The following PECAM1 variants were observed in gnomAD, a reference collection of about 807,000 sequenced individuals.
PECAM1 encodes the protein platelet endothelial cell adhesion molecule.
A neutral mutation model predicts 13.8 loss-of-function variants in PECAM1; 8 were observed. That is an observed-to-expected ratio of 0.58 (90% confidence interval 0.34 to 1.05). PECAM1 has a LOEUF of 1.05. Ranked by LOEUF, PECAM1 falls within the 50% of genes least tolerant of loss-of-function variation. PECAM1 has a pLI of 0.03. For synonymous variants in PECAM1, 136 were observed against 52.6 expected (o/e 2.58, Z -6.86); for missense variants, 304 against 141.2 (o/e 2.15, Z -5.84).
At chr17:64,344,443 G>A (rs1314472502) in intron 13 of PECAM1, among the ~76,000 whole-genome samples, 1 of 152,056 alleles carries the variant, frequency 6.6e-6, no homozygotes, top group East Asian at 1.9e-4. Context: ...TGGCTTCAAC[G>A]TCATGGGGTT....
At position 64,320,931 on chromosome 17, in the gene PECAM1, C is replaced by A. The variant is rs1030592878; in HGVS notation, c.*2885G>T. The A allele has an allele frequency of 3.3e-5, 5 of 152,174 alleles. No individual in the cohort carries two copies. Among genetic ancestry groups the A allele is most frequent in the Non-Finnish European group, 7.3e-5 (5 of 68,052 alleles). The allele number at this position is 152,174 out of a possible 1,614,324, so 9.4% of individuals were successfully genotyped here. On this transcript the variant is annotated 3_prime_UTR_variant, in exon 16 of 16. Coordinates refer to ENST00000563924, the MANE Select transcript of PECAM1 (RefSeq NM_000442.5). ...CTACCCACCAGATGCCGGGAGCACA[C>A]CCACCCAGCTGTGACAACCAAAAAT...
chr17:64,371,624 G>A (rs1182002212), intron 4 of PECAM1, among the ~76,000 whole-genome samples: 2 of 152,200 alleles, frequency 1.3e-5, no homozygotes, highest in Admixed American at 6.5e-5. Context: ...GAGGTCAGGA[G>A]TTTAAGACCA....
rs988820309 is a variant in PECAM1 at position 64,320,234 on chromosome 17, C to T, written c.*3582G>A. The T allele has an allele frequency of 4.6e-5, 7 of 152,152 alleles. No homozygotes were observed. Among genetic ancestry groups the T allele is most frequent in the African/African-American group, 1.7e-4 (7 of 41,426 alleles). 9.4% of individuals were successfully genotyped at this position (152,152 alleles called of 1,614,324 possible). On this transcript the variant is annotated 3_prime_UTR_variant, in exon 16 of 16. Transcript: ENST00000563924. ...TGCTGGGGAGAGTTCTTGGTGTGTACCTTTCAGAGACCTCCTCCTTAAGAC... is the reference window on the plus strand; with the variant it reads ...TGCTGGGGAGAGTTCTTGGTGTGTATCTTTCAGAGACCTCCTCCTTAAGAC...
At chr17:64,373,490 G>T (rs1020063982) in intron 4 of PECAM1, among the ~76,000 whole-genome samples, 3 of 151,466 alleles carry the variant, frequency 2.0e-5, no homozygotes, top group Non-Finnish European at 2.9e-5. Flanking sequence ...TAGTGTGATA[G>T]GTCCCCATCT....
chr17:64,355,096 G>C (rs1458711731), intron 8 of PECAM1, 56 bp from the exon 9 acceptor site: 1 of 458,058 alleles, frequency 2.2e-6, no homozygotes, highest in Non-Finnish European at 4.0e-6. Context: ...TCCTCTGCCA[G>C]GAAGAAATAA....
intron 14 of PECAM1, among the ~76,000 whole-genome samples, chr17:64,334,791 G>A (rs1161692348): frequency 3.4e-4 from 51 of 151,960 alleles, no homozygotes; most frequent in Non-Finnish European, 5.6e-4. Flanking sequence ...ACAGGCGTGA[G>A]CCACTGCGCA....
At chr17:64,385,827 C>G (rs924890735) in intron 2 of PECAM1, among the ~76,000 whole-genome samples, 2 of 152,118 alleles carry the variant, frequency 1.3e-5, no homozygotes, top group Non-Finnish European at 2.9e-5. Flanking sequence ...TCCCAGGACA[C>G]GAGGGTGTGA....
rs888098202 is a variant in PECAM1 at position 64,381,822 on chromosome 17, C to T, written c.92-3705G>A. ...GACACACAACTTTCTTTGGACCAGC[C>T]GGGCACGGTGGTTTATGCCTGTAAT... is the stretch of plus-strand genomic sequence containing the variant. On this transcript the variant is annotated intron_variant, in intron 2 of 15. Transcript: ENST00000563924. 2.6e-3 allele frequency among the ~76,000 whole-genome samples: 395 copies of T among 152,252 alleles called. 8 individuals are homozygous for T. In the East Asian group the frequency reaches 0.043, roughly 17 times the overall value.
chr17:64,375,397 A>C (rs1360075234), intron 3 of PECAM1, 41 bp from the exon 4 acceptor site: 10 of 430,084 alleles, frequency 2.3e-5, no homozygotes, highest in African/African-American at 2.0e-4. Flanking sequence ...AGCCTGATTG[A>C]AGAGAAAGTC....
intron 5 of PECAM1, among the ~76,000 whole-genome samples, chr17:64,364,352 A>C (rs2036053134): frequency 6.6e-6 from 1 of 152,024 alleles, no homozygotes; most frequent in African/African-American, 2.4e-5. Context: ...AACCAAAAAG[A>C]GTCCAGGACC....
rs1158635453 is a variant in PECAM1, at chr17:64,321,266, G to T, written c.*2550C>A. The T allele has an allele frequency of 1.6e-5, 3 of 186,350 alleles. No individual in the cohort carries two copies. Among genetic ancestry groups the T allele is most frequent in the Middle Eastern group, 2.6e-3 (1 of 386 alleles). The allele number at this position is 186,350 out of a possible 1,614,324, so 11.5% of individuals were successfully genotyped here. On this transcript the variant is annotated 3_prime_UTR_variant, in exon 16 of 16. Coordinates refer to ENST00000563924, the MANE Select transcript of PECAM1 (RefSeq NM_000442.5). The stretch of plus-strand genomic sequence containing the variant: ...GCTCTAACTAATGAGTTCCGCGGCC[G>T]AGAAAACTCCTGGAGTGGGTGCTCC...
rs532843467 is a variant in PECAM1 at position 64,322,092 on chromosome 17, G to A, written c.*1724C>T. ...TCATATTGTCAAAAGAGTCTAGGCTGGGCATGGTGGCTCACGCCTGCAATC... is the reference window on the plus strand; with the variant it reads ...TCATATTGTCAAAAGAGTCTAGGCTAGGCATGGTGGCTCACGCCTGCAATC... On this transcript the variant is annotated 3_prime_UTR_variant, in exon 16 of 16. Coordinates refer to ENST00000563924, the MANE Select transcript of PECAM1 (RefSeq NM_000442.5). 139 of 1,107,354 alleles carry A rather than the reference G, an allele frequency of 1.3e-4. 1 individual carries two copies. The African/African-American group carries it at 2.2e-3, about 18-fold the overall frequency. 68.6% of individuals were successfully genotyped at this position (1,107,354 alleles called of 1,614,324 possible).
intron 4 of PECAM1, among the ~76,000 whole-genome samples, chr17:64,371,275 A>G (rs908934372): frequency 6.6e-6 from 1 of 152,248 alleles, no homozygotes; most frequent in Non-Finnish European, 1.5e-5. Flanking sequence ...GACTAAATGA[A>G]GATTAAAAAC....
At chr17:64,334,144 G>T (rs2035204867) in intron 14 of PECAM1, among the ~76,000 whole-genome samples, 3 of 145,490 alleles carry the variant, frequency 2.1e-5, no homozygotes, top group Admixed American at 6.9e-5. Flanking sequence ...AAAAAGCTGT[G>T]CTTAGAGCCA....
intron 2 of PECAM1, among the ~76,000 whole-genome samples, chr17:64,380,822 A>G (rs2036465684): frequency 6.6e-6 from 1 of 152,136 alleles, no homozygotes; most frequent in African/African-American, 2.4e-5. Context: ...CCCCGTCTCT[A>G]CCAAAAATAC....
At chr17:64,360,034 G>A in intron 7 of PECAM1, 106 bp downstream of exon 7, 1 of 474,104 alleles carries the variant, frequency 2.1e-6, no homozygotes, top group Non-Finnish European at 3.9e-6. Flanking sequence ...TTACAGGCAT[G>A]AGCCACCGCA....
At chr17:64,338,805 C>G (rs1033767564) in intron 14 of PECAM1, among the ~76,000 whole-genome samples, 4 of 152,212 alleles carry the variant, frequency 2.6e-5, no homozygotes, top group Non-Finnish European at 5.9e-5. Flanking sequence ...GTGATCCACC[C>G]GCCTCGGCCT....
At chr17:64,339,151 G>A (rs2035362580) in intron 14 of PECAM1, among the ~76,000 whole-genome samples, 2 of 152,118 alleles carry the variant, frequency 1.3e-5, no homozygotes, top group Admixed American at 1.3e-4. Flanking sequence ...GAGGTGGTAA[G>A]GAGCTGGCCT....
chr17:64,362,473 C>T (rs1213523895), intron 6 of PECAM1, among the ~76,000 whole-genome samples: 1 of 151,954 alleles, frequency 6.6e-6, no homozygotes, highest in Non-Finnish European at 1.5e-5. Flanking sequence ...CACGGTGAAA[C>T]CCCATCTCTA....
Sources: gnomAD v4.1 joint callset for allele counts (sites outside exome capture counted in the v4.1 genomes callset) on GRCh38, gnomAD v4.1.1 for gene constraint, MANE v1.5 for transcripts, NCBI Gene and HGNC (gene_info 2026-07-23, HGNC 2026-07-21) for gene names.